Variants in SMYD3 observed in about 807,000 individuals in gnomAD.
The protein encoded by SMYD3 is SET and MYND domain containing 3.
In SMYD3, 36 loss-of-function variants were observed where a neutral mutation model predicts 57.7. The observed-to-expected ratio is 0.62, with a 90% CI of 0.48 to 0.82. The LOEUF (loss-of-function observed/expected upper bound fraction) is 0.82. SMYD3 is among the 40% of genes least tolerant of loss of function. The pLI, the probability that SMYD3 is intolerant of heterozygous loss-of-function variation, is 0.00. For missense variants in SMYD3, 515 were observed against 538.8 expected (o/e 0.96, Z 0.44); for synonymous variants, 211 against 195.0 (o/e 1.08, Z -0.68).
At chr1:246,495,278 G>A (rs1047736054) in intron 1 of SMYD3, among the ~76,000 whole-genome samples, 1 of 150,382 alleles carries the variant, frequency 6.6e-6, no homozygotes, top group African/African-American at 2.4e-5. Flanking sequence ...GAACCCGGGA[G>A]GCGGAGCTTG....
intron 5 of SMYD3, among the ~76,000 whole-genome samples, chr1:246,320,657 T>C (rs1227884368): frequency 6.6e-6 from 1 of 152,124 alleles, no homozygotes; most frequent in Non-Finnish European, 1.5e-5. Flanking sequence ...GGCTGCCAAA[T>C]AAATTTTTAG....
At chr1:246,395,522 C>A (rs75698827) in intron 1 of SMYD3, among the ~76,000 whole-genome samples, 3,972 of 152,242 alleles carry the variant, frequency 0.026, 180 homozygotes, top group African/African-American at 0.09. Flanking sequence ...CTGTTACGTG[C>A]CTCTCACAAG....
intron 1 of SMYD3, among the ~76,000 whole-genome samples, chr1:246,396,131 T>C (rs551722666): frequency 1.3e-5 from 2 of 152,306 alleles, no homozygotes; most frequent in African/African-American, 4.8e-5. Flanking sequence ...ACACCCCAAA[T>C]TATCGGACAG....
intron 1 of SMYD3, among the ~76,000 whole-genome samples, chr1:246,501,088 G>A (rs1340509465): frequency 1.3e-5 from 2 of 152,200 alleles, no homozygotes; most frequent in Non-Finnish European, 2.9e-5. Context: ...TCTTTGAAAT[G>A]ATTTTGCTAG....
At chr1:245,873,082 T>C (rs979056948) in intron 8 of SMYD3, among the ~76,000 whole-genome samples, 3 of 152,214 alleles carry the variant, frequency 2.0e-5, no homozygotes, top group Non-Finnish European at 2.9e-5. Context: ...AGCCTACCTC[T>C]TGTCAGTGGT....
intron 5 of SMYD3, among the ~76,000 whole-genome samples, chr1:246,097,003 T>G (rs1309766979): frequency 1.3e-5 from 2 of 152,228 alleles, no homozygotes; most frequent in Non-Finnish European, 2.9e-5. Context: ...AGTAAGAAAC[T>G]CACAACATAG....
chr1:245,777,823 T>G (rs1457205378), intron 10 of SMYD3, among the ~76,000 whole-genome samples: 6 of 152,062 alleles, frequency 3.9e-5, no homozygotes, highest in African/African-American at 1.2e-4. Flanking sequence ...GCAGCTGAAG[T>G]CCAAGCAAGT....
At chr1:246,150,733 T>C (rs1183585962) in intron 5 of SMYD3, among the ~76,000 whole-genome samples, 2 of 151,994 alleles carry the variant, frequency 1.3e-5, no homozygotes, top group South Asian at 2.1e-4. Flanking sequence ...TGGGGGGACA[T>C]GGAAAAAGGC....
At chr1:246,373,487 C>G (rs1464067810) in intron 1 of SMYD3, among the ~76,000 whole-genome samples, 2 of 152,090 alleles carry the variant, frequency 1.3e-5, no homozygotes, top group African/African-American at 4.8e-5. Context: ...AGGATGTTAT[C>G]AAATGAAATA....
At chr1:245,839,670 T>C (rs1460602467) in intron 10 of SMYD3, among the ~76,000 whole-genome samples, 1 of 152,126 alleles carries the variant, frequency 6.6e-6, no homozygotes, top group Admixed American at 6.6e-5. Context: ...ATTTGTGTAC[T>C]TTCAGTGGGT....
chr1:246,397,346 T>C (rs2066689784), intron 1 of SMYD3, among the ~76,000 whole-genome samples: 1 of 152,196 alleles, frequency 6.6e-6, no homozygotes, highest in South Asian at 2.1e-4. Flanking sequence ...GGAAAAATGA[T>C]CTTCCAAGAA....
At chr1:246,141,285 G>A (rs2061751365) in intron 5 of SMYD3, among the ~76,000 whole-genome samples, 1 of 152,132 alleles carries the variant, frequency 6.6e-6, no homozygotes, top group Admixed American at 6.5e-5. Context: ...ACACACAACA[G>A]AACTGGAAAC....
At chr1:245,815,151 G>A (rs1355012024) in intron 10 of SMYD3, among the ~76,000 whole-genome samples, 1 of 152,172 alleles carries the variant, frequency 6.6e-6, no homozygotes, top group East Asian at 1.9e-4. Flanking sequence ...TAAAACAGAA[G>A]ATGCTTTTAC....
At position 246,507,067 on chromosome 1, in the gene SMYD3, G is replaced by T. The variant is rs1047226031; in HGVS notation, c.151C>A (p.Arg51Ser). The change falls in exon 1 of 12, where the codon CGC becomes AGC. Residue 51 changes from arginine to serine, a missense_variant. By Grantham distance (110) the Arg-to-Ser change is moderately radical (BLOSUM62 -1). Transcript: ENST00000490107. ...CTCCTTACGCACCCGAGAAGGCAGCGGTCGCAGACGACGCCACGACTCCCC... is the reference window on the plus strand; with the variant it reads ...CTCCTTACGCACCCGAGAAGGCAGCTGTCGCAGACGACGCCACGACTCCCC... ...CKGSRGVVCDRCLLGKEKLMR... is the reference protein window; with the variant it reads ...CKGSRGVVCDSCLLGKEKLMR... The T allele has an allele frequency of 1.5e-5, 23 of 1,512,420 alleles. No individual in the cohort carries two copies. In the African/African-American group the frequency reaches 3.3e-4, roughly 22 times the overall value. The allele number at this position is 1,512,420 out of a possible 1,614,324, so 93.7% of individuals were successfully genotyped here.
At chr1:246,287,060 CAG>C (rs2064583347) in intron 5 of SMYD3, among the ~76,000 whole-genome samples, 1 of 151,846 alleles carries the variant, frequency 6.6e-6, no homozygotes, top group Non-Finnish European at 1.5e-5. Context: ...TTAGTAAAGA[CAG>C]GGTTTCACCA....
At chr1:245,791,952 T>TTGTGTGTGTGTGTGTGTGTGTGTGTG (rs59018021) in intron 10 of SMYD3, among the ~76,000 whole-genome samples, 17 of 146,238 alleles carry the variant, frequency 1.2e-4, no homozygotes, top group African/African-American at 3.5e-4. Context: ...AATTTTAAAC[T>TTGTGTGTGTGTGTGTGTGTGTGTGTG]TGTGTGTGTG....
At chr1:246,197,570 A>C (rs1215951787) in intron 5 of SMYD3, among the ~76,000 whole-genome samples, 2 of 149,898 alleles carry the variant, frequency 1.3e-5, no homozygotes, top group Non-Finnish European at 1.5e-5. Context: ...CCAAACTGTC[A>C]AGGATCATCA....
intron 9 of SMYD3, 106 bp from the exon 10 acceptor site, chr1:245,858,776 A>C: frequency 8.7e-7 from 1 of 1,148,656 alleles, no homozygotes; most frequent in Non-Finnish European, 1.2e-6. Flanking sequence ...GAGCGAGGGA[A>C]GCACCCGTTA....
intron 5 of SMYD3, among the ~76,000 whole-genome samples, chr1:246,304,334 A>G (rs2148619853): frequency 6.6e-6 from 1 of 152,346 alleles, no homozygotes; most frequent in African/African-American, 2.4e-5. Flanking sequence ...CCATGGACAT[A>G]GCCATAATAC....
Sources: gnomAD v4.1 joint callset for allele counts (sites outside exome capture counted in the v4.1 genomes callset) on GRCh38, gnomAD v4.1.1 for gene constraint, MANE v1.5 for transcripts, NCBI Gene and HGNC (gene_info 2026-07-23, HGNC 2026-07-21) for gene names.